Variants in LRBA observed in about 807,000 individuals in gnomAD.
LRBA encodes lipopolysaccharide-responsive and beige-like anchor protein.
LRBA carries 176 observed loss-of-function variants against 330.0 expected under a neutral mutation model. The ratio of observed to expected loss-of-function variants is 0.53; its 90% CI spans 0.47 to 0.60. The LOEUF (loss-of-function observed/expected upper bound fraction) is 0.60. Ranked by LOEUF, LRBA falls within the 20% of genes least tolerant of loss-of-function variation. LRBA has a pLI of 0.00. For synonymous variants in LRBA, 1,230 were observed against 1,193.0 expected, an observed-to-expected ratio of 1.03 and a Z score of -0.64; for missense variants, 3,259 against 3,444.8, an observed-to-expected ratio of 0.95 and a Z score of 1.35.
intron 44 of LRBA, among the ~76,000 whole-genome samples, chr4:150,451,908 T>A (rs1044365663): frequency 6.6e-6 from 1 of 152,172 alleles, no homozygotes; most frequent in Non-Finnish European, 1.5e-5. Context: ...CTTTATCTGT[T>A]AAGGAAACTG....
chr4:150,563,114 C>A (rs1768595620), intron 40 of LRBA, among the ~76,000 whole-genome samples: 1 of 152,022 alleles, frequency 6.6e-6, no homozygotes, highest in African/African-American at 2.4e-5. Flanking sequence ...TTTTTTTTAA[C>A]CTTATGACAA....
chr4:150,335,491 G>GTGTA (rs1554002558), intron 48 of LRBA, among the ~76,000 whole-genome samples: 13 of 143,950 alleles, frequency 9.0e-5, no homozygotes, highest in African/African-American at 2.8e-4. Flanking sequence ...ATATGTGTGT[G>GTGTA]TATATATATA....
At chr4:150,912,792 G>A (rs1732156995) in intron 9 of LRBA, among the ~76,000 whole-genome samples, 1 of 152,016 alleles carries the variant, frequency 6.6e-6, no homozygotes, top group Non-Finnish European at 1.5e-5. Flanking sequence ...GTATAAATTA[G>A]GTTGCTGATC....
intron 35 of LRBA, among the ~76,000 whole-genome samples, chr4:150,739,445 C>A (rs543940645): frequency 1.3e-5 from 2 of 152,180 alleles, no homozygotes; most frequent in South Asian, 4.2e-4. Flanking sequence ...TGATACATTT[C>A]AATTAAACTA....
At chr4:150,770,635 A>G (rs1033158521) in intron 34 of LRBA, among the ~76,000 whole-genome samples, 5 of 152,016 alleles carry the variant, frequency 3.3e-5, no homozygotes, top group Admixed American at 6.6e-5. Flanking sequence ...ACAAAATAAG[A>G]AAGAAATGTA....
chr4:150,448,103 T>C (rs999624570), intron 44 of LRBA, among the ~76,000 whole-genome samples: 1 of 152,188 alleles, frequency 6.6e-6, no homozygotes, highest in Non-Finnish European at 1.5e-5. Context: ...AACAAATCGC[T>C]GATTCTAATT....
chr4:150,610,769 AAAAT>A (rs1321088814), intron 37 of LRBA, among the ~76,000 whole-genome samples: 2 of 152,190 alleles, frequency 1.3e-5, no homozygotes, highest in African/African-American at 4.8e-5. Flanking sequence ...GGACTTTAAT[AAAAT>A]AAATAACATA....
intron 14 of LRBA, among the ~76,000 whole-genome samples, chr4:150,898,755 C>T (rs17027185): frequency 6.8e-4 from 103 of 151,952 alleles, no homozygotes; most frequent in African/African-American, 2.4e-3. Flanking sequence ...AAAAGGCAGG[C>T]GAGAATACAA....
intron 34 of LRBA, among the ~76,000 whole-genome samples, chr4:150,791,782 A>C (rs1015553074): frequency 6.6e-6 from 1 of 152,108 alleles, no homozygotes; most frequent in African/African-American, 2.4e-5. Flanking sequence ...TAATCCCAGC[A>C]CTTTGGGAGG....
chr4:150,355,041 GATT>G (rs1204357346), intron 47 of LRBA, among the ~76,000 whole-genome samples: 1 of 151,698 alleles, frequency 6.6e-6, no homozygotes, highest in Admixed American at 6.6e-5. Context: ...TTAAGAAATA[GATT>G]ATTTCTTTAT....
At chr4:150,821,468 G>A (rs931339561) in intron 30 of LRBA, among the ~76,000 whole-genome samples, 5 of 151,810 alleles carry the variant, frequency 3.3e-5, no homozygotes, top group Admixed American at 6.6e-5. Flanking sequence ...CAGAACAAAT[G>A]AAAATACTGT....
intron 41 of LRBA, among the ~76,000 whole-genome samples, chr4:150,489,287 A>ATATATAATATATTATGTATAC (rs1561250553): frequency 3.5e-5 from 2 of 57,164 alleles, no homozygotes; most frequent in Non-Finnish European, 5.8e-5. Flanking sequence ...ATTATATATA[A>ATATATAATATATTATGTATAC]GAATATATAA....
chr4:150,970,970 C>T (rs1390446753), intron 2 of LRBA, among the ~76,000 whole-genome samples: 1 of 152,132 alleles, frequency 6.6e-6, no homozygotes, highest in East Asian at 1.9e-4. Flanking sequence ...GATTACACAG[C>T]TTGACCAAGA....
intron 34 of LRBA, among the ~76,000 whole-genome samples, chr4:150,780,631 GTATATATATA>G (rs201026564): frequency 2.9e-5 from 4 of 136,950 alleles, no homozygotes; most frequent in Admixed American, 2.9e-4. Context: ...ATATATACAC[GTATATATATA>G]TATATGTGTA....
At chr4:150,672,010 G>C (rs1452918387) in intron 37 of LRBA, among the ~76,000 whole-genome samples, 1 of 152,182 alleles carries the variant, frequency 6.6e-6, no homozygotes, top group Admixed American at 6.5e-5. Flanking sequence ...AAATCTGAAT[G>C]TATAATATAA....
intron 46 of LRBA, among the ~76,000 whole-genome samples, chr4:150,427,699 A>G (rs574489382): frequency 6.6e-6 from 1 of 152,062 alleles, no homozygotes; most frequent in Non-Finnish European, 1.5e-5. Flanking sequence ...AAAACTCTAA[A>G]TTATTAAAAT....
intron 40 of LRBA, among the ~76,000 whole-genome samples, chr4:150,518,576 C>A (rs1010186099): frequency 6.6e-6 from 1 of 152,046 alleles, no homozygotes; most frequent in African/African-American, 2.4e-5. Flanking sequence ...AAAATTCTTT[C>A]TATAGGTTTT....
chr4:150,527,889 A>G (rs1366293367), intron 40 of LRBA, among the ~76,000 whole-genome samples: 1 of 152,238 alleles, frequency 6.6e-6, no homozygotes. Flanking sequence ...GACAACTGAC[A>G]TAAGTAGCTG....
chr4:150,284,446 A>C (rs56169929), intron 54 of LRBA, among the ~76,000 whole-genome samples: 31,815 of 152,138 alleles, frequency 0.21, 4,073 homozygotes, highest in Non-Finnish European at 0.3. Flanking sequence ...CAATGTATCA[A>C]ATGTTTTAAA....
Sources: gnomAD v4.1 joint callset for allele counts (sites outside exome capture counted in the v4.1 genomes callset) on GRCh38, gnomAD v4.1.1 for gene constraint, MANE v1.5 for transcripts, NCBI Gene and HGNC (gene_info 2026-07-23, HGNC 2026-07-21) for gene names.